The following TDRD3 variants were observed in gnomAD, a reference collection of about 807,000 sequenced individuals.
TDRD3 encodes tudor domain-containing protein 3.
A neutral mutation model predicts 86.7 loss-of-function variants in TDRD3; 45 were observed. The observed-to-expected ratio is 0.52, with a 90% CI of 0.41 to 0.67. TDRD3 has a LOEUF of 0.67. Among genes scored for constraint, TDRD3 ranks in the 30% least tolerant of loss-of-function variants. TDRD3 has a pLI of 0.00. For missense variants in TDRD3, 814 were observed against 889.0 expected (o/e 0.92, Z 1.07); for synonymous variants, 298 against 301.7 (o/e 0.99, Z 0.13).
At chr13:60,476,383 C>T (rs1210026841) in intron 5 of TDRD3, among the ~76,000 whole-genome samples, 1 of 152,068 alleles carries the variant, frequency 6.6e-6, no homozygotes, top group Non-Finnish European at 1.5e-5. Context: ...GTTCTTTATC[C>T]TGTTCCATTG....
intron 1 of TDRD3, among the ~76,000 whole-genome samples, chr13:60,420,611 A>C (rs1474425577): frequency 6.6e-6 from 1 of 152,018 alleles, no homozygotes; most frequent in African/African-American, 2.4e-5. Flanking sequence ...GTAAAAAAAA[A>C]TTTTCTTTAT....
At chr13:60,565,944 A>G (rs9317121) in intron 12 of TDRD3, among the ~76,000 whole-genome samples, 14,054 of 152,148 alleles carry the variant, frequency 0.092, 771 homozygotes, top group Middle Eastern at 0.15. Context: ...AACCATTTTG[A>G]GATTGATTGT....
At chr13:60,563,191 G>A (rs1025102240) in intron 12 of TDRD3, among the ~76,000 whole-genome samples, 59 of 148,922 alleles carry the variant, frequency 4.0e-4, no homozygotes, top group Non-Finnish European at 4.9e-4. Context: ...TTGCACCATT[G>A]CACTCCAGCC....
At chr13:60,525,166 CTTTTTTTTT>C (rs71199006) in intron 10 of TDRD3, among the ~76,000 whole-genome samples, 7 of 56,082 alleles carry the variant, frequency 1.2e-4, no homozygotes, top group Admixed American at 3.1e-4. Context: ...TAAGGGAATT[CTTTTTTTTT>C]TTTTTTTTTT....
chr13:60,485,921 T>C lies in TDRD3; in HGVS notation c.690T>C (p.Ala230=). The change falls in exon 7 of 14, where the codon GCT becomes GCC. Residue 230 remains alanine (A), a synonymous_variant. Coordinates refer to ENST00000377881, the MANE Select transcript of TDRD3 (RefSeq NM_001146070.2). ...NDEFEKQRTA[A]IAEVAKSKET... ...AATTTGAAAAGCAAAGGACGGCTGC[T>C]ATTGCTGAAGTTGCAAAGAGCAAGG... is the stretch of plus-strand genomic sequence containing the variant. 1 of 1,609,420 alleles carries C rather than the reference T, an allele frequency of 6.2e-7. No individual in the cohort carries two copies. The highest frequency in any genetic ancestry group is 1.3e-5 in the African/African-American group (1 of 74,802).
At chr13:60,569,623 C>G (rs1028828078) in intron 13 of TDRD3, among the ~76,000 whole-genome samples, 3 of 152,046 alleles carry the variant, frequency 2.0e-5, no homozygotes, top group Admixed American at 6.5e-5. Flanking sequence ...CCAAAGTTAT[C>G]CTGAGCATAA....
At chr13:60,396,161 C>G (rs1300431034), upstream of TDRD3, among the ~76,000 whole-genome samples, 1 of 152,192 alleles carries the variant, frequency 6.6e-6, no homozygotes, top group Non-Finnish European at 1.5e-5. Flanking sequence ...TGATGATGCC[C>G]TTAGAAGCAG....
At chr13:60,474,117 A>C (rs1461019184) in intron 5 of TDRD3, among the ~76,000 whole-genome samples, 1 of 152,180 alleles carries the variant, frequency 6.6e-6, no homozygotes, top group Non-Finnish European at 1.5e-5. Flanking sequence ...AGATAGCAGT[A>C]GCAGAATTAG....
At chr13:60,483,937 T>C (rs1258134939) in intron 6 of TDRD3, 91 bp downstream of exon 6, 4 of 1,235,450 alleles carry the variant, frequency 3.2e-6, no homozygotes, top group Non-Finnish European at 2.3e-6. Flanking sequence ...TGCTGAACTA[T>C]TAAGAGGTTA....
chr13:60,457,004 A>AT (rs1955690874), intron 3 of TDRD3, among the ~76,000 whole-genome samples: 1 of 152,124 alleles, frequency 6.6e-6, no homozygotes, highest in Non-Finnish European at 1.5e-5. Context: ...CCTTAAGATG[A>AT]TTTTAGATTC....
Position 60,495,734 on chromosome 13 carries a change from C to G in TDRD3, c.858+1159C>G, listed in dbSNP as rs1252598715. 1.3e-5 allele frequency among the ~76,000 whole-genome samples: 2 copies of G among 152,090 alleles called. 1 individual carries two copies. Among genetic ancestry groups the G allele is most frequent in the South Asian group, 4.2e-4 (2 of 4,812 alleles). ...CCCGCTTCTTCGGCCTCCCAAGGTG[C>G]TGGGATTACAGGCGTGAGCCACCAT... is the stretch of plus-strand genomic sequence containing the variant. On this transcript the variant is annotated intron_variant, in intron 8 of 13. Coordinates refer to ENST00000377881, the MANE Select transcript of TDRD3 (RefSeq NM_001146070.2).
chr13:60,401,995 T>C (rs1256055859), intron 1 of TDRD3, among the ~76,000 whole-genome samples: 2 of 152,228 alleles, frequency 1.3e-5, no homozygotes, highest in Non-Finnish European at 2.9e-5. Context: ...CACTCTTGTA[T>C]TCAAGGGCCC....
At position 60,564,274 on chromosome 13, in the gene TDRD3, G is replaced by A. The variant is rs142912148; in HGVS notation, c.2119-3251G>A. 4.9e-3 allele frequency among the ~76,000 whole-genome samples: 748 copies of A among 152,218 alleles called. 3 individuals are homozygous for A. The highest frequency in any genetic ancestry group is 0.024 in the Middle Eastern group (7 of 294). ...AAAATGTGCCCAAGGTGGTCGGGAT[G>A]CACCTTGGTTTTATATACTTTAGGG... On this transcript the variant is annotated intron_variant, in intron 12 of 13. Transcript: ENST00000377881.
chr13:60,510,797 TC>T (rs768679981), intron 10 of TDRD3, 42 bp downstream of exon 10: 3 of 1,490,054 alleles, frequency 2.0e-6, no homozygotes, highest in Admixed American at 2.4e-5. Flanking sequence ...TTCTTTCTTT[TC>T]TTTCTTTTTT....
chr13:60,401,263 A>G (rs191783581), intron 1 of TDRD3, among the ~76,000 whole-genome samples: 6 of 152,346 alleles, frequency 3.9e-5, no homozygotes, highest in African/African-American at 1.4e-4. Context: ...AAAAATAACA[A>G]TACAACAACA....
rs200139136 is a variant in TDRD3 at position 60,564,739 on chromosome 13, TG to T, written c.2119-2785del. ...TGAAATTAAAATTATTTTTTTGAGT[TG>T]TAAATCTCTTACAGAGTACTGAGAC... On this transcript the variant is annotated intron_variant, in intron 12 of 13. Coordinates refer to ENST00000377881, the MANE Select transcript of TDRD3 (RefSeq NM_001146070.2). Among the ~76,000 whole-genome samples the T allele has an allele frequency of 3.0e-3, 457 of 152,316 alleles. 1 individual carries two copies. Among genetic ancestry groups the T allele is most frequent in the African/African-American group, 0.011 (437 of 41,558 alleles).
intron 12 of TDRD3, among the ~76,000 whole-genome samples, chr13:60,551,117 T>G (rs1595106548): frequency 6.6e-6 from 1 of 152,216 alleles, no homozygotes; most frequent in East Asian, 1.9e-4. Flanking sequence ...TTGGTCTACT[T>G]ATATAAACCT....
intron 1 of TDRD3, among the ~76,000 whole-genome samples, chr13:60,429,717 G>C (rs1043033697): frequency 6.6e-6 from 1 of 152,100 alleles, no homozygotes; most frequent in African/African-American, 2.4e-5. Flanking sequence ...TAGCCTGCTA[G>C]AAATATGTAG....
intron 1 of TDRD3, among the ~76,000 whole-genome samples, chr13:60,421,234 T>C (rs1468314700): frequency 2.6e-5 from 4 of 151,910 alleles, no homozygotes; most frequent in Non-Finnish European, 4.4e-5. Context: ...TCCATATGGC[T>C]CAGGAGGCCC....
Sources: allele counts gnomAD v4.1 joint callset (sites outside exome capture counted in the v4.1 genomes callset), GRCh38; gene constraint gnomAD v4.1.1; transcripts MANE v1.5; gene names NCBI Gene and HGNC (gene_info 2026-07-23, HGNC 2026-07-21).